BCAS3: variants seen among roughly 807,000 people sequenced by gnomAD.
BCAS3 encodes the protein BCAS3 microtubule associated cell migration factor, also known as BCAS4/BCAS3 fusion.
A neutral mutation model predicts 116.1 loss-of-function variants in BCAS3; 53 were observed. The observed-to-expected ratio is 0.46, with a 90% CI of 0.37 to 0.57. BCAS3 has a LOEUF of 0.57. BCAS3 is among the 20% of genes least tolerant of loss of function. BCAS3 has a pLI of 0.00. For synonymous variants in BCAS3, 391 were observed against 408.2 expected (o/e 0.96, Z 0.51); for missense variants, 917 against 1,165.4 (o/e 0.79, Z 3.10).
intron 12 of BCAS3, among the ~76,000 whole-genome samples, chr17:60,915,623 A>G (rs2058739743): frequency 7.6e-6 from 1 of 132,126 alleles, no homozygotes; most frequent in East Asian, 1.9e-4. Context: ...GACTTTTTAC[A>G]CTAAATATAT....
Position 61,034,238 on chromosome 17 carries a change from G to GGATTATCTATAATCCCAC in BCAS3, c.1638-428_1638-427insGATTATCTATAATCCCAC, listed in dbSNP as rs1444585952. On this transcript the variant is annotated intron_variant, in intron 16 of 23. Transcript: ENST00000407086. This position sits in a 1 kb window ranked among gnomAD's most constrained non-coding sequence, Gnocchi z 5.0. ...TGTTAATCCCACATCTTATAGATTG[G>GGATTATCTATAATCCCAC]TGCAAAGGCAGTGGCAAAAACCACA... Among the ~76,000 whole-genome samples the GGATTATCTATAATCCCAC allele has an allele frequency of 6.6e-6, 1 of 152,128 alleles. No homozygotes were observed. Among genetic ancestry groups the GGATTATCTATAATCCCAC allele is most frequent in the Non-Finnish European group, 1.5e-5 (1 of 68,020 alleles).
intron 7 of BCAS3, among the ~76,000 whole-genome samples, chr17:60,828,524 T>C (rs2050631295): frequency 1.3e-5 from 2 of 152,204 alleles, no homozygotes; most frequent in Admixed American, 6.5e-5. Context: ...GGTAATTTGC[T>C]GTAACTAAGG....
At chr17:61,163,430 GA>G (rs11438901) in intron 22 of BCAS3, among the ~76,000 whole-genome samples, 22,899 of 144,266 alleles carry the variant, frequency 0.16, 1,858 homozygotes, top group African/African-American at 0.22. Context: ...TCTCAGAAAG[GA>G]AAAAAAAAAA....
intron 22 of BCAS3, among the ~76,000 whole-genome samples, chr17:61,194,300 T>C (rs1568550148): frequency 6.6e-6 from 1 of 152,196 alleles, no homozygotes; most frequent in Non-Finnish European, 1.5e-5. Flanking sequence ...GGCCTTGTAA[T>C]GTCACAGACT....
At chr17:60,814,403 A>AT (rs369794469) in intron 7 of BCAS3, among the ~76,000 whole-genome samples, 7 of 149,288 alleles carry the variant, frequency 4.7e-5, no homozygotes, top group Non-Finnish European at 7.4e-5. Context: ...TACTACCTTT[A>AT]TTTTTTTTTA....
rs2047722993 is a variant in BCAS3, at chr17:61,243,880, G to T, written c.2426-124447G>T. Among the ~76,000 whole-genome samples, 1 of 152,132 alleles carries T rather than the reference G, an allele frequency of 6.6e-6. No homozygotes were observed. The highest frequency in any genetic ancestry group is 1.5e-5 in the Non-Finnish European group (1 of 68,022). ...AGGTCTCTGCAGCCTCAAACTCCTA[G>T]GCTCAAGCAGCCCTCCCACCTGGGC... On this transcript the variant is annotated intron_variant, in intron 22 of 23. Coordinates refer to ENST00000407086, the MANE Select transcript of BCAS3 (RefSeq NM_017679.5). This position sits in a 1 kb window ranked among gnomAD's most constrained non-coding sequence, Gnocchi z 5.6.
chr17:61,345,355 T>C (rs1457926440), intron 22 of BCAS3, among the ~76,000 whole-genome samples: 2 of 152,160 alleles, frequency 1.3e-5, no homozygotes, highest in African/African-American at 2.4e-5. Context: ...TGCTGAATCT[T>C]TAAAGGAAAG....
intron 13 of BCAS3, 90 bp from the exon 14 acceptor site, chr17:60,947,129 A>T: frequency 7.8e-7 from 1 of 1,289,490 alleles, no homozygotes; most frequent in Non-Finnish European, 1.1e-6. Context: ...TCCCATTGGT[A>T]ATATTTTAAA....
At chr17:60,722,712 G>T (rs890398690) in intron 5 of BCAS3, among the ~76,000 whole-genome samples, 2 of 149,394 alleles carry the variant, frequency 1.3e-5, no homozygotes, top group East Asian at 2.0e-4. Flanking sequence ...AGTGAGCCGA[G>T]ATTGCGCCAC....
chr17:61,135,104 C>A (rs761846809), intron 22 of BCAS3, among the ~76,000 whole-genome samples: 22 of 152,060 alleles, frequency 1.4e-4, no homozygotes, highest in Non-Finnish European at 2.9e-4. Context: ...TGTGAAGTGC[C>A]CTGTTTCATG....
chr17:60,758,532 C>T (rs1490826037), intron 6 of BCAS3, among the ~76,000 whole-genome samples: 1 of 152,126 alleles, frequency 6.6e-6, no homozygotes, highest in Non-Finnish European at 1.5e-5. Flanking sequence ...AGGCTCCCAC[C>T]ACCACTCCTG....
chr17:61,380,437 A>C lies in BCAS3; in HGVS notation c.2594-11540A>C. On this transcript the variant is annotated intron_variant, in intron 23 of 23. Transcript: ENST00000407086. The surrounding 1 kb of genome is among the most constrained non-coding windows in gnomAD (Gnocchi z 4.2). ...TTGGGTATCGACTCACTTTGATCTC[A>C]GCTCTTCCTGCTCTCTTAAAGGTCC... 1 of 1,455,584 alleles carries C rather than the reference A, an allele frequency of 6.9e-7. No individual in the cohort carries two copies. 90.2% of individuals were successfully genotyped at this position (1,455,584 alleles called of 1,614,324 possible).
At chr17:61,048,668 C>T (rs2068566477) in intron 19 of BCAS3, among the ~76,000 whole-genome samples, 1 of 151,962 alleles carries the variant, frequency 6.6e-6, no homozygotes, top group African/African-American at 2.4e-5. Context: ...CCCACAAAGC[C>T]CAAAATATTT....
intron 22 of BCAS3, among the ~76,000 whole-genome samples, chr17:61,108,506 T>G (rs1310423748): frequency 6.6e-6 from 1 of 152,128 alleles, no homozygotes; most frequent in Non-Finnish European, 1.5e-5. Context: ...TTCTCTGTTT[T>G]TTTGTTTGTT....
At chr17:61,155,650 C>A (rs2077793172) in intron 22 of BCAS3, among the ~76,000 whole-genome samples, 1 of 152,156 alleles carries the variant, frequency 6.6e-6, no homozygotes, top group Non-Finnish European at 1.5e-5. Flanking sequence ...GACAGTCATA[C>A]AAGCGAGAAT....
At position 61,235,226 on chromosome 17, in the gene BCAS3, A is replaced by G. The variant is rs915157062; in HGVS notation, c.2426-133101A>G. Among the ~76,000 whole-genome samples, 3 of 152,114 alleles carry G rather than the reference A, an allele frequency of 2.0e-5. No homozygotes were observed. Among genetic ancestry groups the G allele is most frequent in the South Asian group, 4.1e-4 (2 of 4,832 alleles). ...TGTCCTAAGCACTTTAAATGTGTCA[A>G]CTCATTTGGTCTCTTTGAAAAGAGT... On this transcript the variant is annotated intron_variant, in intron 22 of 23. Transcript: ENST00000407086. The surrounding 1 kb of genome is among the most constrained non-coding windows in gnomAD (Gnocchi z 5.0).
Position 60,976,020 on chromosome 17 carries a change from CTTTT to C in BCAS3, c.1222-13934_1222-13931del, listed in dbSNP as rs755966067. The stretch of plus-strand genomic sequence containing the variant: ...GCAAACATTTGTATATAGATTTTTG[CTTTT>C]TTTTTTTTTTTTTTTTCTTTTTGAG... On this transcript the variant is annotated intron_variant, in intron 14 of 23. Coordinates refer to ENST00000407086, the MANE Select transcript of BCAS3 (RefSeq NM_017679.5). Among the ~76,000 whole-genome samples, 328 of 98,314 alleles carry C rather than the reference CTTTT, an allele frequency of 3.3e-3. 6 individuals are homozygous for C. Among genetic ancestry groups the C allele is most frequent in the Middle Eastern group, 0.013 (1 of 80 alleles). The allele number at this position is 98,314 out of a possible 152,430, so 64.5% of individuals were successfully genotyped here.
At chr17:60,870,088 A>G (rs1043117526) in intron 8 of BCAS3, among the ~76,000 whole-genome samples, 1 of 152,214 alleles carries the variant, frequency 6.6e-6, no homozygotes, top group African/African-American at 2.4e-5. Context: ...TAAAGGTTTC[A>G]GGTCCCCCAC....
Position 61,222,315 on chromosome 17 carries a change from G to A in BCAS3, c.2425+137751G>A, listed in dbSNP as rs1378609550. Among the ~76,000 whole-genome samples, 1 of 152,118 alleles carries A rather than the reference G, an allele frequency of 6.6e-6. No homozygotes were observed. On this transcript the variant is annotated intron_variant, in intron 22 of 23. Coordinates refer to ENST00000407086, the MANE Select transcript of BCAS3 (RefSeq NM_017679.5). This position sits in a 1 kb window ranked among gnomAD's most constrained non-coding sequence, Gnocchi z 6.1. ...AAAACCTCTGTTCTCTTTTACAGTC[G>A]AAAAGCAAGAAACTTCGGCTTGACT...
Sources: gnomAD v4.1 joint callset for allele counts (sites outside exome capture counted in the v4.1 genomes callset) on GRCh38, gnomAD v4.1.1 for gene constraint, Gnocchi (gnomAD v3.1) non-coding constraint, MANE v1.5 for transcripts, NCBI Gene and HGNC (gene_info 2026-07-23, HGNC 2026-07-21) for gene names.